The following SH3D19 variants were observed in gnomAD, a reference collection of about 807,000 sequenced individuals.
The protein encoded by SH3D19 is SH3 domain containing 19.
In SH3D19, 58 loss-of-function variants were observed where a neutral mutation model predicts 112.1. That is an observed-to-expected ratio of 0.52 (90% CI 0.42 to 0.64). The LOEUF (loss-of-function observed/expected upper bound fraction) is 0.64. Ranked by LOEUF, SH3D19 falls within the 30% of genes least tolerant of loss-of-function variation. SH3D19 has a pLI of 0.00. For missense variants in SH3D19, 1,090 were observed against 1,263.4 expected, an observed-to-expected ratio of 0.86 and a Z score of 2.08; for synonymous variants, 391 against 448.5, an observed-to-expected ratio of 0.87 and a Z score of 1.62.
chr4:151,214,020 C>T (rs1049901303), intron 2 of SH3D19, among the ~76,000 whole-genome samples: 1 of 149,478 alleles, frequency 6.7e-6, no homozygotes, highest in African/African-American at 2.5e-5. Flanking sequence ...TGAGGCCTTC[C>T]GCAGTGTTTG....
intron 2 of SH3D19, among the ~76,000 whole-genome samples, chr4:151,212,959 A>G (rs1766208541): frequency 6.6e-6 from 1 of 152,204 alleles, no homozygotes; most frequent in Non-Finnish European, 1.5e-5. Flanking sequence ...ACCCCCATGG[A>G]TGACTTTGAG....
At chr4:151,260,316 A>C (rs1772275064) in intron 1 of SH3D19, among the ~76,000 whole-genome samples, 1 of 152,174 alleles carries the variant, frequency 6.6e-6, no homozygotes. Flanking sequence ...GTCCTGATGC[A>C]CTTCTATTTG....
chr4:151,284,243 C>T (rs1774522651), intron 1 of SH3D19, among the ~76,000 whole-genome samples: 1 of 152,168 alleles, frequency 6.6e-6, no homozygotes. Context: ...TATTTTCACA[C>T]AAGTCCATTT....
At chr4:151,150,042 G>A (rs1323807202) in intron 9 of SH3D19, among the ~76,000 whole-genome samples, 1 of 150,758 alleles carries the variant, frequency 6.6e-6, no homozygotes, top group Non-Finnish European at 1.5e-5. Context: ...AAAATTAGCT[G>A]GGCATGGTGG....
intron 2 of SH3D19, among the ~76,000 whole-genome samples, chr4:151,211,301 T>A (rs1765928934): frequency 6.6e-6 from 1 of 151,604 alleles, no homozygotes; most frequent in African/African-American, 2.4e-5. Context: ...GTGAACTTAA[T>A]GGATAAATGT....
chr4:151,230,359 T>G (rs765101767), intron 1 of SH3D19, among the ~76,000 whole-genome samples: 1 of 152,150 alleles, frequency 6.6e-6, no homozygotes, highest in Non-Finnish European at 1.5e-5. Flanking sequence ...CTAAGAAGAA[T>G]AGCCAACTCA....
chr4:151,266,803 C>T (rs1227398451), intron 1 of SH3D19, among the ~76,000 whole-genome samples: 1 of 152,160 alleles, frequency 6.6e-6, no homozygotes, highest in Non-Finnish European at 1.5e-5. Context: ...ATGGCAGAAA[C>T]TCATATTTAC....
intron 1 of SH3D19, among the ~76,000 whole-genome samples, chr4:151,315,337 C>T (rs1184634279): frequency 1.3e-5 from 2 of 152,178 alleles, no homozygotes; most frequent in African/African-American, 4.8e-5. Flanking sequence ...ATTATCTTAG[C>T]CCAGTGCTTT....
At chr4:151,137,689 C>A in intron 14 of SH3D19, 43 bp downstream of exon 14, 2 of 1,502,196 alleles carry the variant, frequency 1.3e-6, no homozygotes, top group South Asian at 1.4e-5. Context: ...ACATAGAACC[C>A]ACTGAGTATA....
chr4:151,282,247 T>C, intron 1 of SH3D19: 1 of 1,613,944 alleles, frequency 6.2e-7, no homozygotes, highest in Middle Eastern at 1.6e-4. Flanking sequence ...TCGTCATCCA[T>C]CCCAAGTACC....
At chr4:151,263,006 A>T (rs1772496530) in intron 1 of SH3D19, among the ~76,000 whole-genome samples, 1 of 152,134 alleles carries the variant, frequency 6.6e-6, no homozygotes, top group Non-Finnish European at 1.5e-5. Flanking sequence ...TGAGAATGAG[A>T]GAAAAAGGAA....
chr4:151,174,959 C>T lies in SH3D19; in HGVS notation c.1245G>A (p.Val415=). 1 of 1,614,146 alleles carries T rather than the reference C, an allele frequency of 6.2e-7. No homozygotes were observed. The highest frequency in any genetic ancestry group is 2.2e-5 in the East Asian group (1 of 44,882). The change falls in exon 7 of 20, where the codon GTG becomes GTA. Residue 415 remains valine (V), a synonymous_variant. Transcript: ENST00000604030. ...LAESSDSGKK[V]PTPAPRPLLL... ...GCAAAGGCCGCGGGGCAGGAGTTGGCACTTTCTTCCCACTATCAGAGCTCT... is the reference window on the plus strand; with the variant it reads ...GCAAAGGCCGCGGGGCAGGAGTTGGTACTTTCTTCCCACTATCAGAGCTCT...
intron 2 of SH3D19, among the ~76,000 whole-genome samples, chr4:151,219,564 T>C (rs1767692233): frequency 6.6e-6 from 1 of 152,244 alleles, no homozygotes; most frequent in South Asian, 2.1e-4. Context: ...AGTGAAATGG[T>C]ATCTCATTAC....
chr4:151,236,995 C>T (rs1455016612), intron 1 of SH3D19, among the ~76,000 whole-genome samples: 1 of 152,228 alleles, frequency 6.6e-6, no homozygotes, highest in African/African-American at 2.4e-5. Context: ...GCAGCAGCAA[C>T]ATGCTGAAGT....
At chr4:151,198,978 T>C (rs951767864) in intron 2 of SH3D19, among the ~76,000 whole-genome samples, 1 of 150,904 alleles carries the variant, frequency 6.6e-6, no homozygotes, top group Non-Finnish European at 1.5e-5. Flanking sequence ...AATTTCTCCA[T>C]GAGACAAGCA....
At chr4:151,210,602 G>T (rs1765814886) in intron 2 of SH3D19, among the ~76,000 whole-genome samples, 1 of 151,898 alleles carries the variant, frequency 6.6e-6, no homozygotes, top group South Asian at 2.1e-4. Context: ...TGGGGTTTCA[G>T]GTGTTAGCCA....
chr4:151,251,213 T>C (rs1235598945), intron 1 of SH3D19, among the ~76,000 whole-genome samples: 3 of 150,890 alleles, frequency 2.0e-5, no homozygotes, highest in Non-Finnish European at 4.4e-5. Flanking sequence ...TTTTTTTTTT[T>C]CCTGAGACGG....
intron 1 of SH3D19, among the ~76,000 whole-genome samples, chr4:151,244,777 G>A (rs1770808703): frequency 6.6e-6 from 1 of 152,210 alleles, no homozygotes; most frequent in South Asian, 2.1e-4. Flanking sequence ...GTCACTGGGT[G>A]TAGCTATCTC....
chr4:151,274,937 C>T (rs919949569), intron 1 of SH3D19, among the ~76,000 whole-genome samples: 1 of 152,132 alleles, frequency 6.6e-6, no homozygotes, highest in African/African-American at 2.4e-5. Flanking sequence ...ATAGATGTCA[C>T]GTACATGACA....
Sources: gnomAD v4.1 joint callset for allele counts (sites outside exome capture counted in the v4.1 genomes callset) on GRCh38, gnomAD v4.1.1 for gene constraint, MANE v1.5 for transcripts, NCBI Gene and HGNC (gene_info 2026-07-23, HGNC 2026-07-21) for gene names.